PCDHA12: variants seen among roughly 807,000 people sequenced by gnomAD.
PCDHA12 encodes protocadherin alpha 12.
In PCDHA12, 44 loss-of-function variants were observed where a neutral mutation model predicts 60.0. The observed-to-expected ratio is 0.73, with a 90% confidence interval of 0.58 to 0.94. The LOEUF (loss-of-function observed/expected upper bound fraction) is 0.94. Ranked by LOEUF, PCDHA12 falls within the 40% of genes least tolerant of loss-of-function variation. The pLI is 0.00. For synonymous variants in PCDHA12, 569 were observed against 553.0 expected (o/e 1.03, Z -0.40); for missense variants, 1,276 against 1,239.7 (o/e 1.03, Z -0.44).
chr5:140,908,757 C>G (rs550540742), intron 1 of PCDHA12, among the ~76,000 whole-genome samples: 1 of 152,248 alleles, frequency 6.6e-6, no homozygotes, highest in Non-Finnish European at 1.5e-5. Context: ...TGCACACAGC[C>G]TGGACGTGTT....
In PCDHA12 at chr5:141,012,190, T is replaced by C. The variant is rs1002658582; in HGVS notation, c.*2253T>C. On this transcript the variant is annotated 3_prime_UTR_variant, in exon 4 of 4. Transcript: ENST00000398631. ...TTAATGATGATAATTATAATGTATCTGTACAGCACTTTTTACATTTGCGAA... is the reference window on the plus strand; with the variant it reads ...TTAATGATGATAATTATAATGTATCCGTACAGCACTTTTTACATTTGCGAA... The C allele has an allele frequency of 2.0e-5, 3 of 153,780 alleles. No homozygotes were observed. Among genetic ancestry groups the C allele is most frequent in the African/African-American group, 7.2e-5 (3 of 41,458 alleles). 9.5% of individuals were successfully genotyped at this position (153,780 alleles called of 1,614,324 possible).
At chr5:140,914,997 G>A (rs548148626) in intron 1 of PCDHA12, among the ~76,000 whole-genome samples, 43 of 148,264 alleles carry the variant, frequency 2.9e-4, no homozygotes, top group African/African-American at 1.0e-3. Flanking sequence ...CCAGGCTGGA[G>A]TGCAGTGGCC....
chr5:140,915,882 C>T lies in PCDHA12; in HGVS notation c.2367+38043C>T, dbSNP rs181276676. Among the ~76,000 whole-genome samples, 3 of 152,314 alleles carry T rather than the reference C, an allele frequency of 2.0e-5. No homozygotes were observed. In the East Asian group the frequency reaches 5.8e-4, roughly 29 times the overall value. ...GTTTGCATCCTTCCCTTTAGGGTAG[C>T]AAGTTCCCCCTGGCCCTGGGCAGGC... On this transcript the variant is annotated intron_variant, in intron 1 of 3. Coordinates refer to ENST00000398631, the MANE Select transcript of PCDHA12 (RefSeq NM_018903.4).
At chr5:140,967,159 G>A in intron 1 of PCDHA12, 2 of 1,610,752 alleles carry the variant, frequency 1.2e-6, no homozygotes, top group Non-Finnish European at 1.7e-6. Context: ...CCGTGGCGGT[G>A]AGCGCCGTTG....
intron 1 of PCDHA12, among the ~76,000 whole-genome samples, chr5:140,950,995 C>T (rs1554219713): frequency 6.6e-6 from 1 of 151,856 alleles, no homozygotes; most frequent in Non-Finnish European, 1.5e-5. Flanking sequence ...TCTTTTAGCT[C>T]CATTTTTCCC....
chr5:140,881,409 A>G (rs2153379419), intron 1 of PCDHA12: 1 of 950,550 alleles, frequency 1.1e-6, no homozygotes, highest in East Asian at 1.2e-4. Context: ...TTAAATCAAT[A>G]GGATATTAGT....
At position 140,876,233 on chromosome 5, in the gene PCDHA12, A is replaced by G; in HGVS notation, c.761A>G (p.Asn254Ser). ...KPSYKVVLSENVQNDTRVIQL... is the reference protein window; with the variant it reads ...KPSYKVVLSESVQNDTRVIQL... ...AGCTATAAAGTAGTGTTGTCTGAAA[A>G]TGTCCAAAACGACACAAGAGTGATC... The change falls in exon 1 of 4, where the codon AAT becomes AGT. Residue 254 changes from asparagine (N) to serine (S), a missense_variant. Coordinates refer to ENST00000398631, the MANE Select transcript of PCDHA12 (RefSeq NM_018903.4). 1 of 1,614,016 alleles carries G rather than the reference A, an allele frequency of 6.2e-7. No homozygotes were observed. The highest frequency in any genetic ancestry group is 8.5e-7 in the Non-Finnish European group (1 of 1,179,888).
At position 140,876,392 on chromosome 5, in the gene PCDHA12, A is replaced by C. The variant is rs373053230; in HGVS notation, c.920A>C (p.Glu307Ala). ...PDTGEIRIYG[E>A]LDFEENNAYE... ...ACAGGTGAAATTAGAATTTATGGTG[A>C]ACTGGATTTTGAAGAGAATAATGCC... The change falls in exon 1 of 4, where the codon GAA becomes GCA. Residue 307 changes from glutamate to alanine, a missense_variant. Transcript: ENST00000398631. 1.2e-4 allele frequency: 194 copies of C among 1,613,822 alleles called. No individual in the cohort carries two copies. The highest frequency in any genetic ancestry group is 1.6e-4 in the Non-Finnish European group (184 of 1,179,914).
At chr5:140,884,637 A>G in intron 1 of PCDHA12, 2 of 1,610,636 alleles carry the variant, frequency 1.2e-6, no homozygotes, top group Non-Finnish European at 1.7e-6. Flanking sequence ...GGCCAGAGGG[A>G]GGAGGACTCA....
rs782242128 is a variant in PCDHA12 at position 140,928,580 on chromosome 5, GT to G, written c.2368-50367del. 100 of 1,614,112 alleles carry G rather than the reference GT, an allele frequency of 6.2e-5. 1 individual carries two copies. The East Asian group carries it at 2.2e-3, about 36-fold the overall frequency. ...ATCTTGTTTCCCTTGCCCAGAAATG[GT>G]TCTGTCCCAGTGGAAATTGTGCCCC... On this transcript the variant is annotated intron_variant, in intron 1 of 3. Transcript: ENST00000398631.
At chr5:140,933,663 C>G (rs1340033934) in intron 1 of PCDHA12, among the ~76,000 whole-genome samples, 4 of 152,128 alleles carry the variant, frequency 2.6e-5, no homozygotes, top group African/African-American at 7.2e-5. Context: ...GTCTCTCTCT[C>G]TGTCTCTCTC....
chr5:140,938,309 A>T (rs1379097876), intron 1 of PCDHA12, among the ~76,000 whole-genome samples: 1 of 152,216 alleles, frequency 6.6e-6, no homozygotes, highest in African/African-American at 2.4e-5. Flanking sequence ...AATTCAGTAT[A>T]AAATTGAATA....
chr5:140,878,060 T>C (rs1251415258), intron 1 of PCDHA12: 2 of 426,090 alleles, frequency 4.7e-6, no homozygotes, highest in Non-Finnish European at 7.6e-6. Flanking sequence ...CCACACTTAA[T>C]ATTTTTCTTT....
chr5:140,957,594 A>C (rs2095369947), intron 1 of PCDHA12, among the ~76,000 whole-genome samples: 1 of 152,154 alleles, frequency 6.6e-6, no homozygotes, highest in Non-Finnish European at 1.5e-5. Context: ...AGCACTTCCC[A>C]GAATAAACAC....
intron 1 of PCDHA12, chr5:140,966,556 A>C (rs2096021446): frequency 8.5e-6 from 4 of 469,720 alleles, no homozygotes; most frequent in Admixed American, 8.7e-5. Context: ...CGAGCGGAGG[A>C]GCTGGAATAT....
At chr5:140,880,010 A>G (rs958851507) in intron 1 of PCDHA12, among the ~76,000 whole-genome samples, 1 of 152,232 alleles carries the variant, frequency 6.6e-6, no homozygotes, top group African/African-American at 2.4e-5. Flanking sequence ...TATTCACCAT[A>G]TAAAGTAAAA....
At chr5:140,963,523 A>T (rs2095769740) in intron 1 of PCDHA12, among the ~76,000 whole-genome samples, 1 of 152,218 alleles carries the variant, frequency 6.6e-6, no homozygotes. Flanking sequence ...CTCATAACAG[A>T]AGTCCCATTT....
chr5:141,009,701 C>G lies in PCDHA12; in HGVS notation c.2590C>G (p.Pro864Ala). The G allele has an allele frequency of 6.2e-7, 1 of 1,614,036 alleles. No homozygotes were observed. Among genetic ancestry groups the G allele is most frequent in the South Asian group, 1.1e-5 (1 of 91,056 alleles). The change falls in exon 4 of 4, where the codon CCA (proline) becomes GCA (alanine). Residue 864 changes from proline to alanine, a missense_variant. Coordinates refer to ENST00000398631, the MANE Select transcript of PCDHA12 (RefSeq NM_018903.4). ...NSNSWTFKYG[P>A]GNPKQSGPGE... ...CAACAGCTGGACCTTTAAATACGGA[C>G]CAGGCAACCCCAAACAATCCGGTCC...
intron 3 of PCDHA12, among the ~76,000 whole-genome samples, chr5:141,007,673 A>C (rs2098339698): frequency 6.6e-6 from 1 of 152,136 alleles, no homozygotes; most frequent in African/African-American, 2.4e-5. Flanking sequence ...ACAAAGACAA[A>C]AGTTATCCTA....
Sources: allele counts gnomAD v4.1 joint callset (sites outside exome capture counted in the v4.1 genomes callset), GRCh38; gene constraint gnomAD v4.1.1; transcripts MANE v1.5; gene names NCBI Gene and HGNC (gene_info 2026-07-23, HGNC 2026-07-21).